CCSER2: variants seen among roughly 807,000 people sequenced by gnomAD.
CCSER2 encodes the protein coiled-coil serine rich protein 2.
In CCSER2, 46 loss-of-function variants were observed where a neutral mutation model predicts 92.3. The observed-to-expected ratio is 0.50, with a 90% CI of 0.39 to 0.64. CCSER2 has a LOEUF of 0.64. CCSER2 is among the 30% of genes least tolerant of loss of function. The probability of loss-of-function intolerance (pLI) is 0.00; values close to 1 mark genes in which losing one functional copy is unlikely to be tolerated. For synonymous variants in CCSER2, 433 were observed against 431.4 expected, an observed-to-expected ratio of 1.00 and a Z score of -0.04; for missense variants, 1,244 against 1,238.9, an observed-to-expected ratio of 1.00 and a Z score of -0.06.
chr10:84,493,949 C>T (rs887161582), intron 9 of CCSER2, among the ~76,000 whole-genome samples: 2 of 152,132 alleles, frequency 1.3e-5, no homozygotes, highest in Non-Finnish European at 2.9e-5. Flanking sequence ...GATTATCTGG[C>T]ATTAGATTAT....
At chr10:84,329,617 A>C (rs1243101419) in intron 1 of CCSER2, among the ~76,000 whole-genome samples, 1 of 152,206 alleles carries the variant, frequency 6.6e-6, no homozygotes, top group African/African-American at 2.4e-5. Flanking sequence ...GAGCATTAAA[A>C]TATGACGGAA....
chr10:84,473,715 C>G (rs1180942742), intron 8 of CCSER2, among the ~76,000 whole-genome samples: 1 of 152,044 alleles, frequency 6.6e-6, no homozygotes, highest in Non-Finnish European at 1.5e-5. Flanking sequence ...TTTAACATCT[C>G]TATTCTTAAT....
At chr10:84,375,535 GTT>G (rs5786655) in intron 3 of CCSER2, among the ~76,000 whole-genome samples, 20,639 of 128,784 alleles carry the variant, frequency 0.16, 1,523 homozygotes, top group Admixed American at 0.25. Context: ...TTGTTGGTTT[GTT>G]TTTTTTTTTT....
intron 1 of CCSER2, among the ~76,000 whole-genome samples, chr10:84,348,742 G>GA (rs534608567): frequency 6.6e-6 from 1 of 151,712 alleles, no homozygotes; most frequent in East Asian, 1.9e-4. Context: ...AAAGTTTTGG[G>GA]TTTTTTTGGT....
At chr10:84,456,728 C>T (rs1381964150) in intron 6 of CCSER2, among the ~76,000 whole-genome samples, 1 of 152,052 alleles carries the variant, frequency 6.6e-6, no homozygotes, top group African/African-American at 2.4e-5. Flanking sequence ...AACTATTGTT[C>T]TGCATTCTTG....
At chr10:84,402,211 C>T (rs751570595) in intron 3 of CCSER2, among the ~76,000 whole-genome samples, 4 of 152,134 alleles carry the variant, frequency 2.6e-5, no homozygotes, top group Non-Finnish European at 5.9e-5. Flanking sequence ...ACTGCAATGC[C>T]TGCCCTGAAG....
At chr10:84,464,842 A>G (rs191606083) in intron 7 of CCSER2, among the ~76,000 whole-genome samples, 51 of 152,276 alleles carry the variant, frequency 3.3e-4, no homozygotes, top group African/African-American at 1.1e-3. Context: ...GATGTGGCAC[A>G]TATCACTTTC....
At chr10:84,354,655 G>A (rs1845060761) in intron 1 of CCSER2, among the ~76,000 whole-genome samples, 1 of 149,304 alleles carries the variant, frequency 6.7e-6, no homozygotes, top group African/African-American at 2.5e-5. Context: ...CTTGTTTTTG[G>A]TGGGAAATTT....
At chr10:84,428,925 G>T (rs887628409) in intron 5 of CCSER2, among the ~76,000 whole-genome samples, 26 of 149,428 alleles carry the variant, frequency 1.7e-4, no homozygotes, top group African/African-American at 6.5e-4. Flanking sequence ...TGTTGTGTTG[G>T]TATGTTGTGT....
At chr10:84,369,353 C>A (rs192991411) in intron 1 of CCSER2, among the ~76,000 whole-genome samples, 12 of 152,200 alleles carry the variant, frequency 7.9e-5, no homozygotes, top group African/African-American at 2.6e-4. Flanking sequence ...TTAATAATAG[C>A]CATTCTGGCT....
chr10:84,438,769 GT>G (rs1844344215), intron 6 of CCSER2, 62 bp downstream of exon 6: 41 of 1,039,676 alleles, frequency 3.9e-5, no homozygotes, highest in Non-Finnish European at 5.3e-5. Flanking sequence ...ATTGACTTTA[GT>G]TTTTTTTAAA....
intron 9 of CCSER2, among the ~76,000 whole-genome samples, chr10:84,494,400 C>T (rs970422620): frequency 1.3e-5 from 2 of 152,136 alleles, no homozygotes; most frequent in African/African-American, 2.4e-5. Context: ...CATGTTTTAT[C>T]GGCAGGGTCT....
chr10:84,378,786 T>G (rs1846483646), intron 3 of CCSER2, among the ~76,000 whole-genome samples: 1 of 152,204 alleles, frequency 6.6e-6, no homozygotes, highest in South Asian at 2.1e-4. Context: ...TTGTCCAGTC[T>G]GGCCTTGAAC....
At chr10:84,420,438 C>T (rs143081690) in intron 4 of CCSER2, among the ~76,000 whole-genome samples, 118 of 152,214 alleles carry the variant, frequency 7.8e-4, no homozygotes, top group African/African-American at 2.7e-3. Context: ...AGGTTTGGTA[C>T]TATAGGAAAG....
Position 84,332,412 on chromosome 10 carries a change from T to TA in CCSER2, c.-40+3604_-40+3605insA, listed in dbSNP as rs1554828779. 1.6e-4 allele frequency among the ~76,000 whole-genome samples: 13 copies of TA among 82,274 alleles called. 2 individuals carry two copies. Among genetic ancestry groups the TA allele is most frequent in the Admixed American group, 9.7e-4 (5 of 5,172 alleles). 54.0% of individuals were successfully genotyped at this position (82,274 alleles called of 152,430 possible). The stretch of plus-strand genomic sequence containing the variant: ...ATTTTATATTATTAAATTTATTTTT[T>TA]TATATATATATATATATATATATAT... On this transcript the variant is annotated intron_variant, in intron 1 of 9. Coordinates refer to ENST00000372088, the MANE Select transcript of CCSER2 (RefSeq NM_001284240.2).
At chr10:84,393,435 T>TA (rs1175741572) in intron 3 of CCSER2, among the ~76,000 whole-genome samples, 1 of 152,246 alleles carries the variant, frequency 6.6e-6, no homozygotes, top group Admixed American at 6.5e-5. Flanking sequence ...TTCAGTGTTT[T>TA]ATCCCCACTC....
At chr10:84,467,850 T>C (rs982648915) in intron 7 of CCSER2, among the ~76,000 whole-genome samples, 1 of 152,178 alleles carries the variant, frequency 6.6e-6, no homozygotes, top group East Asian at 1.9e-4. Context: ...TCTCAAAATT[T>C]TGATTTCTTC....
intron 9 of CCSER2, chr10:84,500,122 T>G (rs536284693): frequency 2.6e-6 from 1 of 389,248 alleles, no homozygotes; most frequent in Non-Finnish European, 3.5e-6. Flanking sequence ...AACACTTCCT[T>G]TTACTGCATG....
At chr10:84,388,562 C>G (rs529189323) in intron 3 of CCSER2, among the ~76,000 whole-genome samples, 25 of 152,258 alleles carry the variant, frequency 1.6e-4, no homozygotes, top group African/African-American at 6.0e-4. Flanking sequence ...CTCCCACCCC[C>G]TTGAGCCATT....
Sources: allele counts gnomAD v4.1 joint callset (sites outside exome capture counted in the v4.1 genomes callset), GRCh38; gene constraint gnomAD v4.1.1; transcripts MANE v1.5; gene names NCBI Gene and HGNC (gene_info 2026-07-23, HGNC 2026-07-21).